Variants in MCU observed in about 807,000 individuals in gnomAD.
The protein encoded by MCU is calcium uniporter protein, mitochondrial.
In MCU, 12 loss-of-function variants were observed where a neutral mutation model predicts 45.2. That is an observed-to-expected ratio of 0.27 (90% CI 0.17 to 0.43). MCU has a LOEUF of 0.43. Ranked by LOEUF, MCU falls within the 20% of genes least tolerant of loss-of-function variation. MCU has a pLI of 1.00. For synonymous variants in MCU, 160 were observed against 165.1 expected (o/e 0.97, Z 0.24); for missense variants, 324 against 436.7 (o/e 0.74, Z 2.30).
intron 6 of MCU, among the ~76,000 whole-genome samples, chr10:72,882,467 T>C (rs568997561): frequency 6.6e-6 from 1 of 152,184 alleles, no homozygotes; most frequent in Non-Finnish European, 1.5e-5. Flanking sequence ...AGAAAGAGAA[T>C]GCACCCCTGA....
chr10:72,874,354 T>C (rs1419121050), intron 6 of MCU, among the ~76,000 whole-genome samples: 2 of 152,214 alleles, frequency 1.3e-5, no homozygotes, highest in Non-Finnish European at 2.9e-5. Flanking sequence ...TATACCATCA[T>C]AGATCCAACC....
chr10:72,821,194 A>G (rs988897190), intron 1 of MCU, among the ~76,000 whole-genome samples: 6 of 151,602 alleles, frequency 4.0e-5, no homozygotes, highest in African/African-American at 1.5e-4. Context: ...ACAAAGATCC[A>G]TGACAAAAGT....
intron 1 of MCU, among the ~76,000 whole-genome samples, chr10:72,739,056 A>G (rs1215248142): frequency 6.6e-6 from 1 of 152,208 alleles, no homozygotes; most frequent in Non-Finnish European, 1.5e-5. Context: ...GCACTTATAC[A>G]GTGTGAACAG....
rs115653358 is a variant in MCU, at chr10:72,702,657, G to A, written c.150+10356G>A. Among the ~76,000 whole-genome samples the A allele has an allele frequency of 6.9e-3, 1,047 of 152,298 alleles. 18 individuals carry two copies. Among genetic ancestry groups the A allele is most frequent in the African/African-American group, 0.024 (999 of 41,562 alleles). On this transcript the variant is annotated intron_variant, in intron 1 of 7. Transcript: ENST00000373053. ...GACCTACCTGTGAGAGCTGAGGAAG[G>A]CTTCACAGAAGAGGTCTTGCTTAAG... is the stretch of plus-strand genomic sequence containing the variant.
At chr10:72,799,894 A>G (rs1258936547) in intron 1 of MCU, among the ~76,000 whole-genome samples, 2 of 152,240 alleles carry the variant, frequency 1.3e-5, no homozygotes, top group Non-Finnish European at 2.9e-5. Flanking sequence ...CATATTAGAC[A>G]TATAACATTT....
At chr10:72,834,471 C>T (rs201645756) in intron 2 of MCU, 43 bp downstream of exon 2, 8 of 1,523,058 alleles carry the variant, frequency 5.3e-6, no homozygotes, top group Admixed American at 3.4e-5. Context: ...ATATTATTTC[C>T]TTCTTAGCTC....
intron 1 of MCU, among the ~76,000 whole-genome samples, chr10:72,827,069 A>G (rs576758774): frequency 2.0e-5 from 3 of 152,306 alleles, no homozygotes; most frequent in Admixed American, 1.3e-4. Flanking sequence ...CAGTGGCTTC[A>G]GGCATCCATT....
At chr10:72,733,703 A>AT (rs1257977818) in intron 1 of MCU, among the ~76,000 whole-genome samples, 1 of 128,168 alleles carries the variant, frequency 7.8e-6, no homozygotes, top group Non-Finnish European at 1.6e-5. Flanking sequence ...ATATATATAT[A>AT]TTTTTTTAAA....
intron 1 of MCU, among the ~76,000 whole-genome samples, chr10:72,727,676 T>C (rs1427703127): frequency 6.6e-6 from 1 of 152,186 alleles, no homozygotes; most frequent in East Asian, 1.9e-4. Context: ...GAAGTTTTTT[T>C]TGAGTGCCTC....
intron 2 of MCU, among the ~76,000 whole-genome samples, chr10:72,848,678 A>G (rs1845159293): frequency 2.0e-5 from 3 of 152,176 alleles, no homozygotes; most frequent in African/African-American, 7.2e-5. Flanking sequence ...AGCCTTCTTG[A>G]AGGCTGGCTA....
At position 72,692,830 on chromosome 10, in the gene MCU, C is replaced by T. The variant is rs1842640719; in HGVS notation, c.150+529C>T. The T allele has an allele frequency of 2.1e-6, 3 of 1,426,454 alleles. No homozygotes were observed. The East Asian group carries it at 7.6e-5, about 36-fold the overall frequency. The allele number at this position is 1,426,454 out of a possible 1,614,324, so 88.4% of individuals were successfully genotyped here. A position where few individuals can be genotyped will look rare whatever the true frequency, so the allele number is the denominator to read the frequency against. On this transcript the variant is annotated intron_variant, in intron 1 of 7. Transcript: ENST00000373053. ...GCCGCCCCTCGTCCTCTCTCGTCCC[C>T]GAGGGGTCGGGCAGGAAGGAAAATC...
chr10:72,800,294 C>T (rs765064249), intron 1 of MCU, among the ~76,000 whole-genome samples: 4 of 152,100 alleles, frequency 2.6e-5, no homozygotes, highest in Non-Finnish European at 4.4e-5. Flanking sequence ...TTCCTGCCCA[C>T]AGTTATTTAA....
chr10:72,844,584 T>G (rs994735135), intron 2 of MCU, among the ~76,000 whole-genome samples: 1 of 151,982 alleles, frequency 6.6e-6, no homozygotes, highest in South Asian at 2.1e-4. Flanking sequence ...AATATATATA[T>G]ATAGATATTC....
chr10:72,813,461 T>TTC (rs1759634786), intron 1 of MCU, among the ~76,000 whole-genome samples: 1 of 136,086 alleles, frequency 7.3e-6, no homozygotes, highest in Non-Finnish European at 1.6e-5. Context: ...TTTTTTTTTT[T>TTC]TTTTTTTTTT....
intron 1 of MCU, among the ~76,000 whole-genome samples, chr10:72,822,614 T>C (rs554040959): frequency 2.6e-5 from 4 of 152,296 alleles, no homozygotes; most frequent in African/African-American, 9.6e-5. Context: ...TCATTACTTA[T>C]AAGAGAAATG....
At chr10:72,804,033 TA>T in intron 1 of MCU, among the ~76,000 whole-genome samples, 1 of 55,168 alleles carries the variant, frequency 1.8e-5, no homozygotes, top group African/African-American at 1.3e-4. Flanking sequence ...TATATATATA[TA>T]TATATATATA....
rs566458506 is a variant in MCU at position 72,759,280 on chromosome 10, G to T, written c.150+66979G>T. Among the ~76,000 whole-genome samples the T allele has an allele frequency of 2.0e-5, 3 of 152,198 alleles. No individual in the cohort carries two copies. In the South Asian group the frequency reaches 6.2e-4, roughly 32 times the overall value. ...GGGTCGTGATTGATTGAGCAAGCAG[G>T]GGGTACATGACTGGGGGCTGCATGC... On this transcript the variant is annotated intron_variant, in intron 1 of 7. Coordinates refer to ENST00000373053, the MANE Select transcript of MCU (RefSeq NM_138357.3).
intron 6 of MCU, among the ~76,000 whole-genome samples, chr10:72,880,106 T>G (rs1408423292): frequency 5.9e-5 from 9 of 152,190 alleles, no homozygotes; most frequent in Non-Finnish European, 1.3e-4. Flanking sequence ...CTGGAGCAGG[T>G]AAATAGACTT....
In MCU at chr10:72,703,861, A is replaced by T. The variant is rs147756534; in HGVS notation, c.150+11560A>T. Among the ~76,000 whole-genome samples, 366 of 152,080 alleles carry T rather than the reference A, an allele frequency of 2.4e-3. 2 individuals are homozygous for T. The highest frequency in any genetic ancestry group is 6.8e-3 in the Middle Eastern group (2 of 294). ...CAGTGAGCAGAGATCACTGCATTCC[A>T]GTCTGGGCGACAGCAAGACTCTGTC... On this transcript the variant is annotated intron_variant, in intron 1 of 7. Transcript: ENST00000373053.
Sources: gnomAD v4.1 joint callset for allele counts (sites outside exome capture counted in the v4.1 genomes callset) on GRCh38, gnomAD v4.1.1 for gene constraint, MANE v1.5 for transcripts, NCBI Gene and HGNC (gene_info 2026-07-23, HGNC 2026-07-21) for gene names.